The following ASPSCR1 variants were observed in gnomAD, a reference collection of about 807,000 sequenced individuals.
The protein encoded by ASPSCR1 is ASPSCR1 tether for SLC2A4, UBX domain containing.
In ASPSCR1, 55 loss-of-function variants were observed where a neutral mutation model predicts 68.9. The observed-to-expected ratio is 0.80, with a 90% CI of 0.64 to 1.00. The LOEUF is 1.00. Ranked by LOEUF, ASPSCR1 falls within the 50% of genes least tolerant of loss-of-function variation. The pLI is 0.00. For synonymous variants in ASPSCR1, 352 were observed against 332.6 expected, an observed-to-expected ratio of 1.06 and a Z score of -0.63; for missense variants, 765 against 762.2, an observed-to-expected ratio of 1.00 and a Z score of -0.04.
intron 3 of ASPSCR1, among the ~76,000 whole-genome samples, chr17:81,985,182 C>T (rs946618891): frequency 6.7e-6 from 1 of 149,802 alleles, no homozygotes; most frequent in African/African-American, 2.5e-5. Context: ...ACCCACACAC[C>T]AACATGCACA....
intron 3 of ASPSCR1, among the ~76,000 whole-genome samples, chr17:81,984,476 C>T (rs1386037141): frequency 2.0e-5 from 3 of 151,868 alleles, no homozygotes; most frequent in Non-Finnish European, 4.4e-5. Context: ...ACTCAGCAGG[C>T]TGAGGCAGGA....
rs140270195 is a variant in ASPSCR1 at position 81,990,461 on chromosome 17, T to C, written c.375-4360T>C. Among the ~76,000 whole-genome samples the C allele has an allele frequency of 4.4e-4, 67 of 152,310 alleles. No individual in the cohort carries two copies. Among genetic ancestry groups the C allele is most frequent in the African/African-American group, 1.5e-3 (62 of 41,554 alleles). Reference sequence around the variant, plus strand: ...CACGCCGAGCTCTGGGGGACACTGCTCTCCGCCTGCCTGGTGGGCCTGTGT... The same window carrying C: ...CACGCCGAGCTCTGGGGGACACTGCCCTCCGCCTGCCTGGTGGGCCTGTGT... On this transcript the variant is annotated intron_variant, in intron 4 of 15. Coordinates refer to ENST00000306739, the MANE Select transcript of ASPSCR1 (RefSeq NM_024083.4). This position sits in a 1 kb window ranked among gnomAD's most constrained non-coding sequence, Gnocchi z 4.1.
chr17:81,977,937 G>A lies in ASPSCR1; in HGVS notation c.102+189G>A, dbSNP rs1328397683. On this transcript the variant is annotated intron_variant, in intron 1 of 15. Coordinates refer to ENST00000306739, the MANE Select transcript of ASPSCR1 (RefSeq NM_024083.4). This position sits in a 1 kb window ranked among gnomAD's most constrained non-coding sequence, Gnocchi z 5.0. ...TCCGCTGGGGTCCCGGGGGTCCCGGGGGTCCCGAGTGGGGGCGGGGCGGTG... is the reference window on the plus strand; with the variant it reads ...TCCGCTGGGGTCCCGGGGGTCCCGGAGGTCCCGAGTGGGGGCGGGGCGGTG... 2.9e-6 allele frequency: 1 copy of A among 350,756 alleles called. No homozygotes were observed. Among genetic ancestry groups the A allele is most frequent in the African/African-American group, 2.2e-5 (1 of 46,266 alleles). The allele number at this position is 350,756 out of a possible 1,614,324, so 21.7% of individuals were successfully genotyped here. A position where few individuals can be genotyped will look rare whatever the true frequency, so the allele number is the denominator to read the frequency against.
In ASPSCR1 at chr17:81,983,675, C is replaced by T. The variant is rs768981143; in HGVS notation, c.273+7C>T. 5 of 1,602,170 alleles carry T rather than the reference C, an allele frequency of 3.1e-6. No homozygotes were observed. Among genetic ancestry groups the T allele is most frequent in the East Asian group, 2.2e-5 (1 of 44,598 alleles). On this transcript the variant is annotated splice_region_variant and intron_variant, in intron 3 of 15. Transcript: ENST00000306739. This position sits in a 1 kb window ranked among gnomAD's most constrained non-coding sequence, Gnocchi z 4.4. ...TGAGGGGCCTGAGAACATGGTGGGT[C>T]GTGCTCTGGGGGAGGCTGACTGTGT...
chr17:81,998,015 C>G (rs575528034), intron 7 of ASPSCR1, among the ~76,000 whole-genome samples: 3 of 150,716 alleles, frequency 2.0e-5, no homozygotes, highest in Non-Finnish European at 4.4e-5. Flanking sequence ...TTAGTAGAGA[C>G]GGGGTTTCAC....
chr17:81,982,195 C>A (rs972286119), intron 2 of ASPSCR1, among the ~76,000 whole-genome samples: 14 of 152,364 alleles, frequency 9.2e-5, no homozygotes, highest in African/African-American at 3.1e-4. Flanking sequence ...TCTCAAACTC[C>A]TGACCTCAAG....
intron 12 of ASPSCR1, 95 bp downstream of exon 12, chr17:82,012,378 C>A: frequency 7.0e-7 from 1 of 1,423,708 alleles, no homozygotes; most frequent in Non-Finnish European, 9.8e-7. Context: ...AGGGGCCTGG[C>A]AGGCGCTGGG....
intron 5 of ASPSCR1, 49 bp from the exon 6 acceptor site, chr17:81,995,943 T>C (rs773295243): frequency 2.5e-6 from 4 of 1,581,214 alleles, no homozygotes; most frequent in South Asian, 1.1e-5. Flanking sequence ...TTCCCTGGGC[T>C]CTGGGGTCCC....
intron 13 of ASPSCR1, 110 bp from the exon 14 acceptor site, chr17:82,016,690 C>A: frequency 6.9e-7 from 1 of 1,452,528 alleles, no homozygotes; most frequent in Non-Finnish European, 9.3e-7. Flanking sequence ...CTGGGACAGC[C>A]ACCTGCTGGC....
chr17:82,014,771 C>A, intron 12 of ASPSCR1: 1 of 465,478 alleles, frequency 2.1e-6, no homozygotes, highest in South Asian at 2.5e-5. Context: ...GGCCTCCTTT[C>A]GGAAGCTCTT....
Position 82,012,208 on chromosome 17 carries a change from A to G in ASPSCR1, c.1301-23A>G, listed in dbSNP as rs2042972490. 9 of 1,611,536 alleles carry G rather than the reference A, an allele frequency of 5.6e-6. No individual in the cohort carries two copies. The South Asian group carries it at 8.8e-5, about 16-fold the overall frequency. ...GGCGAGGTCCACGGTGCTTCCTAAC[A>G]CGTAGGTGCCTTCTCTCCTCAGTCA... On this transcript the variant is annotated intron_variant, in intron 11 of 15. Transcript: ENST00000306739.
chr17:81,995,058 A>G (rs2042292729), intron 5 of ASPSCR1, 180 bp downstream of exon 5: 1 of 615,234 alleles, frequency 1.6e-6, no homozygotes, highest in Non-Finnish European at 2.7e-6. Context: ...GGCTGCCCCG[A>G]AACCTCCCTC....
intron 9 of ASPSCR1, chr17:82,009,846 C>G (rs372090904): frequency 3.3e-5 from 12 of 359,286 alleles, no homozygotes; most frequent in African/African-American, 1.5e-4. Context: ...TGAGCAGGGC[C>G]CCCCCGTGGT....
chr17:82,011,907 C>A (rs968557427), intron 11 of ASPSCR1, among the ~76,000 whole-genome samples: 2 of 152,146 alleles, frequency 1.3e-5, no homozygotes, highest in South Asian at 4.1e-4. Context: ...CACTCCTGCC[C>A]GAGGGCTGTG....
At chr17:81,982,436 G>A (rs2041824143) in intron 2 of ASPSCR1, among the ~76,000 whole-genome samples, 1 of 152,248 alleles carries the variant, frequency 6.6e-6, no homozygotes, top group South Asian at 2.1e-4. Flanking sequence ...CCGGTGCAGA[G>A]GAATGCAGCC....
chr17:82,015,568 A>G, intron 12 of ASPSCR1: 1 of 669,642 alleles, frequency 1.5e-6, no homozygotes, highest in Non-Finnish European at 2.5e-6. Flanking sequence ...GTGGCCTCTG[A>G]GGGAGCCCTC....
At chr17:81,979,929 C>G (rs1474642330) in intron 2 of ASPSCR1, among the ~76,000 whole-genome samples, 1 of 152,222 alleles carries the variant, frequency 6.6e-6, no homozygotes, top group Non-Finnish European at 1.5e-5. Flanking sequence ...ATGTGCGTGT[C>G]TATCCCACAC....
intron 3 of ASPSCR1, among the ~76,000 whole-genome samples, chr17:81,984,454 G>A (rs2041897759): frequency 6.6e-6 from 1 of 152,076 alleles, no homozygotes. Flanking sequence ...GCGGATGCCT[G>A]TAGTCCCAGC....
intron 4 of ASPSCR1, among the ~76,000 whole-genome samples, chr17:81,992,714 T>A (rs2042212601): frequency 6.6e-6 from 1 of 152,254 alleles, no homozygotes; most frequent in Admixed American, 6.5e-5. Context: ...TTTTGAGGCC[T>A]TGTGTTTTCC....
Sources: gnomAD v4.1 joint callset for allele counts (sites outside exome capture counted in the v4.1 genomes callset) on GRCh38, gnomAD v4.1.1 for gene constraint, Gnocchi (gnomAD v3.1) non-coding constraint, MANE v1.5 for transcripts, NCBI Gene and HGNC (gene_info 2026-07-23, HGNC 2026-07-21) for gene names.